Variants in PACS1 observed in about 807,000 individuals in gnomAD.
PACS1 encodes the protein PACS-1.
PACS1 carries 24 observed loss-of-function variants against 115.0 expected under a neutral mutation model. That is an observed-to-expected ratio of 0.21 (90% CI 0.15 to 0.29). The LOEUF (loss-of-function observed/expected upper bound fraction) is 0.29. PACS1 is among the 10% of genes least tolerant of loss of function. PACS1 has a pLI of 1.00. For synonymous variants in PACS1, 453 were observed against 504.5 expected (o/e 0.90, Z 1.37); for missense variants, 838 against 1,251.2 (o/e 0.67, Z 4.98).
At chr11:66,106,080 G>C (rs998377569) in intron 1 of PACS1, among the ~76,000 whole-genome samples, 3 of 152,132 alleles carry the variant, frequency 2.0e-5, no homozygotes, top group Non-Finnish European at 2.9e-5. Flanking sequence ...GAAGATGCAA[G>C]TCATTTGAAG....
intron 22 of PACS1, 81 bp downstream of exon 22, chr11:66,241,734 T>C (rs1255419822): frequency 8.5e-7 from 1 of 1,169,912 alleles, no homozygotes; most frequent in Non-Finnish European, 1.2e-6. Flanking sequence ...ATAAATCTGC[T>C]TTTGGGATAT....
chr11:66,105,873 G>A (rs1199544963), intron 1 of PACS1, among the ~76,000 whole-genome samples: 1 of 152,162 alleles, frequency 6.6e-6, no homozygotes, highest in African/African-American at 2.4e-5. Context: ...ATCCTTGGCT[G>A]GAACCTGAAT....
chr11:66,109,992 T>C (rs1418265881), intron 1 of PACS1, among the ~76,000 whole-genome samples: 1 of 152,222 alleles, frequency 6.6e-6, no homozygotes, highest in Non-Finnish European at 1.5e-5. Flanking sequence ...CTCCAGAGAC[T>C]TCCTTACATA....
rs1390267373 is a variant in PACS1 at position 66,202,741 on chromosome 11, AAATATATATATAT to A, written c.445-7619_445-7607del. ...TCATCTCTAGGAAAAAAAAAAAAAAAAATATATATATATATATATATATATATATATATATATA... is the reference window on the plus strand; with the variant it reads ...TCATCTCTAGGAAAAAAAAAAAAAAAATATATATATATATATATATATATA... On this transcript the variant is annotated intron_variant, in intron 2 of 23. Coordinates refer to ENST00000320580, the MANE Select transcript of PACS1 (RefSeq NM_018026.4). Among the ~76,000 whole-genome samples the A allele has an allele frequency of 5.0e-4, 47 of 93,882 alleles. 5 individuals are homozygous for A. The highest frequency in any genetic ancestry group is 2.2e-3 in the African/African-American group (47 of 20,924). The allele number at this position is 93,882 out of a possible 152,430, so 61.6% of individuals were successfully genotyped here.
intron 1 of PACS1, among the ~76,000 whole-genome samples, chr11:66,099,084 C>G (rs1857850422): frequency 6.6e-6 from 1 of 152,076 alleles, no homozygotes; most frequent in Non-Finnish European, 1.5e-5. Flanking sequence ...CACTCTGTAG[C>G]CCAAGCTGGA....
intron 1 of PACS1, among the ~76,000 whole-genome samples, chr11:66,101,188 T>C (rs561394680): frequency 6.6e-6 from 1 of 152,382 alleles, no homozygotes; most frequent in Non-Finnish European, 1.5e-5. Flanking sequence ...TTAATTCATT[T>C]TTTTTAAAAG....
chr11:66,093,869 A>G (rs1401628195), intron 1 of PACS1, among the ~76,000 whole-genome samples: 2 of 152,358 alleles, frequency 1.3e-5, no homozygotes, highest in African/African-American at 4.8e-5. Context: ...TTGCAATCAA[A>G]CTAGAACTCA....
intron 4 of PACS1, among the ~76,000 whole-genome samples, chr11:66,211,659 G>A (rs761950953): frequency 3.9e-5 from 6 of 152,098 alleles, no homozygotes; most frequent in Non-Finnish European, 8.8e-5. Flanking sequence ...CTGGCACGAT[G>A]CCCCATTACA....
Position 66,141,538 on chromosome 11 carries a change from T to A in PACS1, c.357-51948T>A, listed in dbSNP as rs978516719. ...GCATGGTGGTGGGTGCCTGTAGTCC[T>A]GGCCACTCAGGTAGCTGAGGCAGGA... On this transcript the variant is annotated intron_variant, in intron 1 of 23. Transcript: ENST00000320580. 4.0e-5 allele frequency among the ~76,000 whole-genome samples: 6 copies of A among 151,588 alleles called. No homozygotes were observed. The East Asian group carries it at 1.2e-3, about 30-fold the overall frequency.
chr11:66,118,296 A>C (rs947796273), intron 1 of PACS1, among the ~76,000 whole-genome samples: 3 of 152,178 alleles, frequency 2.0e-5, no homozygotes, highest in Admixed American at 2.0e-4. Context: ...GCTGCTACCT[A>C]GTGTCTGTAT....
At chr11:66,199,912 G>A (rs746390685) in intron 2 of PACS1, among the ~76,000 whole-genome samples, 2 of 152,028 alleles carry the variant, frequency 1.3e-5, no homozygotes, top group Non-Finnish European at 2.9e-5. Context: ...CCAGCTACTC[G>A]GGAGGCTGAG....
chr11:66,175,161 G>GA (rs200309361), intron 1 of PACS1, among the ~76,000 whole-genome samples: 3,906 of 130,734 alleles, frequency 0.03, 165 homozygotes, highest in African/African-American at 0.12. Flanking sequence ...AACTCTGTCT[G>GA]AAAAAAAAAG....
At chr11:66,176,715 A>G (rs1006710880) in intron 1 of PACS1, among the ~76,000 whole-genome samples, 3 of 152,036 alleles carry the variant, frequency 2.0e-5, no homozygotes, top group African/African-American at 7.2e-5. Context: ...TGCCCGGTCC[A>G]TATACACTCT....
intron 1 of PACS1, among the ~76,000 whole-genome samples, chr11:66,147,425 G>A (rs1859152686): frequency 6.6e-6 from 1 of 151,998 alleles, no homozygotes; most frequent in Admixed American, 6.6e-5. Flanking sequence ...CACCAAAATT[G>A]CCAAATATTT....
At chr11:66,134,254 C>CTTTTTTTTTTTGTTTTTTT (rs1858780481) in intron 1 of PACS1, among the ~76,000 whole-genome samples, 1 of 75,064 alleles carries the variant, frequency 1.3e-5, no homozygotes, top group Non-Finnish European at 2.3e-5. Flanking sequence ...TTTTCTTTTT[C>CTTTTTTTTTTTGTTTTTTT]TTTTTTTTTT....
chr11:66,122,949 A>G (rs1209265287), intron 1 of PACS1, among the ~76,000 whole-genome samples: 2 of 152,210 alleles, frequency 1.3e-5, no homozygotes, highest in African/African-American at 4.8e-5. Context: ...ACTGAATCCA[A>G]TTTTGCGAGA....
chr11:66,215,902 AAATAAT>A lies in PACS1; in HGVS notation c.661-172_661-167del, dbSNP rs71461611. 0.098 allele frequency among the ~76,000 whole-genome samples: 13,449 copies of A among 136,780 alleles called. 704 individuals carry two copies. Among genetic ancestry groups the A allele is most frequent in the African/African-American group, 0.14 (5,302 of 37,066 alleles). 89.7% of individuals were successfully genotyped at this position (136,780 alleles called of 152,430 possible). ...GCGACAGTGAGAGACTCCGTCTCAA[AAATAAT>A]AATAATAATAATAATAATAATAATA... On this transcript the variant is annotated intron_variant, in intron 4 of 23. Coordinates refer to ENST00000320580, the MANE Select transcript of PACS1 (RefSeq NM_018026.4).
intron 1 of PACS1, among the ~76,000 whole-genome samples, chr11:66,116,578 T>G (rs1010056320): frequency 6.6e-6 from 1 of 152,184 alleles, no homozygotes; most frequent in Non-Finnish European, 1.5e-5. Flanking sequence ...ACAAAATAGA[T>G]GAACATCTCT....
At chr11:66,100,255 C>T (rs72934636) in intron 1 of PACS1, among the ~76,000 whole-genome samples, 10,380 of 152,250 alleles carry the variant, frequency 0.068, 537 homozygotes, top group African/African-American at 0.15. Context: ...AGGGTTCTCT[C>T]CAGCCTAAGC....
Sources: gnomAD v4.1 joint callset for allele counts (sites outside exome capture counted in the v4.1 genomes callset) on GRCh38, gnomAD v4.1.1 for gene constraint, MANE v1.5 for transcripts, NCBI Gene and HGNC (gene_info 2026-07-23, HGNC 2026-07-21) for gene names.